CLUAP1: variants seen among roughly 807,000 people sequenced by gnomAD.
CLUAP1 encodes the protein clusterin-associated protein 1.
CLUAP1 carries 50 observed loss-of-function variants against 55.0 expected under a neutral mutation model. The ratio of observed to expected loss-of-function variants is 0.91; its 90% CI spans 0.72 to 1.15. The LOEUF (loss-of-function observed/expected upper bound fraction) is 1.15, where lower values mean the gene tolerates loss of function less well. Among genes scored for constraint, CLUAP1 ranks in the 50% most tolerant of loss-of-function variants. The probability of loss-of-function intolerance (pLI) is 0.00; values close to 1 mark genes in which losing one functional copy is unlikely to be tolerated. For missense variants in CLUAP1, 530 were observed against 507.6 expected (o/e 1.04, Z -0.42); for synonymous variants, 195 against 175.4 (o/e 1.11, Z -0.88).
At position 3,501,026 on chromosome 16, in the gene CLUAP1, G is replaced by T; in HGVS notation, c.-42G>T. The T allele has an allele frequency of 1.3e-6, 2 of 1,590,656 alleles. No individual in the cohort carries two copies. The highest frequency in any genetic ancestry group is 1.7e-6 in the Non-Finnish European group (2 of 1,171,018). ...AGCGCTGGGCCTGTGATCGCTGAGG[G>T]GCGAGCAGTTGCGACCCTGGGCTCC... On this transcript the variant is annotated 5_prime_UTR_variant, in exon 1 of 12. Coordinates refer to ENST00000576634, the MANE Select transcript of CLUAP1 (RefSeq NM_015041.3).
At chr16:3,513,913 T>C (rs1445082122) in intron 5 of CLUAP1, among the ~76,000 whole-genome samples, 4 of 152,224 alleles carry the variant, frequency 2.6e-5, no homozygotes, top group Admixed American at 2.6e-4. Context: ...TGTTCTGGCA[T>C]ACCCTGGGAG....
Position 3,501,650 on chromosome 16 carries a change from C to T in CLUAP1, c.22+561C>T, listed in dbSNP as rs527964453. Among the ~76,000 whole-genome samples the T allele has an allele frequency of 5.5e-4, 84 of 152,144 alleles. 3 individuals carry two copies. In the South Asian group the frequency reaches 0.017, roughly 31 times the overall value. ...TTACAAAATTAGCCGGGGGTGGTGG[C>T]GGGCGCCTGTAATCCCAGCTACTCG... On this transcript the variant is annotated intron_variant, in intron 1 of 11. Coordinates refer to ENST00000576634, the MANE Select transcript of CLUAP1 (RefSeq NM_015041.3).
At chr16:3,529,839 A>G (rs1210751997) in intron 9 of CLUAP1, among the ~76,000 whole-genome samples, 1 of 55,652 alleles carries the variant, frequency 1.8e-5, no homozygotes, top group East Asian at 5.7e-4. Flanking sequence ...TATATAATAT[A>G]TTATATAATA....
chr16:3,508,509 G>A (rs767022621), intron 4 of CLUAP1, 41 bp downstream of exon 4: 2 of 1,488,332 alleles, frequency 1.3e-6, no homozygotes, highest in Non-Finnish European at 1.8e-6. Flanking sequence ...ATGGAGCGTT[G>A]ATTTCTTGAG....
chr16:3,508,203 G>A, intron 3 of CLUAP1, 86 bp from the exon 4 acceptor site: 2 of 1,165,262 alleles, frequency 1.7e-6, no homozygotes, highest in Non-Finnish European at 2.4e-6. Context: ...GTCAGCAGAG[G>A]CATTTTCAAC....
At chr16:3,497,241 C>T (rs1038290377), upstream of CLUAP1, among the ~76,000 whole-genome samples, 1 of 151,698 alleles carries the variant, frequency 6.6e-6, no homozygotes, top group Non-Finnish European at 1.5e-5. Context: ...CCTAGTAGAG[C>T]TTTTTCAGAG....
At chr16:3,523,024 A>C in intron 7 of CLUAP1, 134 bp from the exon 8 acceptor site, 1 of 582,842 alleles carries the variant, frequency 1.7e-6, no homozygotes, top group Non-Finnish European at 2.7e-6. Context: ...ATTTTTAAGC[A>C]TTACAAGAAT....
chr16:3,500,063 A>T (rs190539028), upstream of CLUAP1, among the ~76,000 whole-genome samples: 653 of 152,210 alleles, frequency 4.3e-3, 8 homozygotes, highest in African/African-American at 0.014. Flanking sequence ...ACCTTACAAA[A>T]CCCGGCTGCT....
chr16:3,530,252 A>G (rs1555495803), intron 9 of CLUAP1, among the ~76,000 whole-genome samples: 1 of 152,086 alleles, frequency 6.6e-6, no homozygotes, highest in Non-Finnish European at 1.5e-5. Flanking sequence ...TTAAGTTTCC[A>G]ACACAGGCTT....
rs891742593 is a variant in CLUAP1, at chr16:3,538,814, G to A, written c.*2543G>A. The A allele has an allele frequency of 2.6e-5, 4 of 152,296 alleles. No individual in the cohort carries two copies. The highest frequency in any genetic ancestry group is 4.8e-5 in the African/African-American group (2 of 41,552). 9.4% of individuals were successfully genotyped at this position (152,296 alleles called of 1,614,324 possible). A position where few individuals can be genotyped will look rare whatever the true frequency, so the allele number is the denominator to read the frequency against. The stretch of plus-strand genomic sequence containing the variant: ...GTATTTCAGTCAATAGTGACCCATT[G>A]TAGAATGGATGCAGGATTCACATGT... On this transcript the variant is annotated 3_prime_UTR_variant, in exon 12 of 12. Coordinates refer to ENST00000576634, the MANE Select transcript of CLUAP1 (RefSeq NM_015041.3).
Position 3,515,484 on chromosome 16 carries a change from G to C in CLUAP1, c.496-24G>C, listed in dbSNP as rs202019418. 1.6e-5 allele frequency: 24 copies of C among 1,527,994 alleles called. 1 individual carries two copies. In the East Asian group the frequency reaches 5.5e-4, roughly 35 times the overall value. 94.7% of individuals were successfully genotyped at this position (1,527,994 alleles called of 1,614,324 possible). ...GAGAACTCCTTTTCTGAAAATATAC[G>C]TAAATGATTTTACTGTTTCCTAGGA... On this transcript the variant is annotated intron_variant, in intron 5 of 11. Transcript: ENST00000576634.
intron 9 of CLUAP1, among the ~76,000 whole-genome samples, chr16:3,528,063 T>C (rs1027687863): frequency 1.3e-5 from 2 of 152,210 alleles, no homozygotes; most frequent in African/African-American, 4.8e-5. Context: ...GTCTCTCATC[T>C]CTGCACATGG....
At chr16:3,529,669 ATTATATATT>A (rs2038051158) in intron 9 of CLUAP1, among the ~76,000 whole-genome samples, 1 of 18,388 alleles carries the variant, frequency 5.4e-5, no homozygotes, top group East Asian at 6.8e-3. Context: ...ATTATATATT[ATTATATATT>A]ATATATTATT....
chr16:3,532,430 T>C (rs76820203), intron 10 of CLUAP1, among the ~76,000 whole-genome samples: 127 of 108,010 alleles, frequency 1.2e-3, no homozygotes, highest in African/African-American at 6.3e-3. Flanking sequence ...TTTTTTTTTT[T>C]TGGAGACAGA....
In CLUAP1 at chr16:3,536,376, T is replaced by G; in HGVS notation, c.*105T>G. 8.1e-7 allele frequency: 1 copy of G among 1,230,268 alleles called. No individual in the cohort carries two copies. Among genetic ancestry groups the G allele is most frequent in the Non-Finnish European group, 1.1e-6 (1 of 874,806 alleles). 76.2% of individuals were successfully genotyped at this position (1,230,268 alleles called of 1,614,324 possible). ...CCCCTGTTTTGTTTACTAAGCTGGC[T>G]GGACTCATGATCACTGAAGCAATAC... On this transcript the variant is annotated 3_prime_UTR_variant, in exon 12 of 12. Transcript: ENST00000576634.
intron 5 of CLUAP1, among the ~76,000 whole-genome samples, chr16:3,513,160 G>A (rs2037665074): frequency 6.6e-6 from 1 of 152,202 alleles, no homozygotes; most frequent in Admixed American, 6.5e-5. Context: ...GCTGCCCAGT[G>A]CAAACACCTG....
intron 8 of CLUAP1, among the ~76,000 whole-genome samples, 165 bp downstream of exon 8, chr16:3,523,464 T>C (rs1036660427): frequency 1.3e-5 from 2 of 152,208 alleles, no homozygotes; most frequent in Non-Finnish European, 2.9e-5. Flanking sequence ...TTGCTGGCAG[T>C]GTACACTGGA....
rs1303055551 is a variant in CLUAP1, at chr16:3,537,438, G to C, written c.*1167G>C. 1 of 152,046 alleles carries C rather than the reference G, an allele frequency of 6.6e-6. No individual in the cohort carries two copies. Among genetic ancestry groups the C allele is most frequent in the Non-Finnish European group, 1.5e-5 (1 of 68,044 alleles). 9.4% of individuals were successfully genotyped at this position (152,046 alleles called of 1,614,324 possible). A position where few individuals can be genotyped will look rare whatever the true frequency, so the allele number is the denominator to read the frequency against. ...GGGTCCAGCTACTCAGGAGGCCAAG[G>C]TGGGAGGATCACTTGAGCCCAGGAG... On this transcript the variant is annotated 3_prime_UTR_variant, in exon 12 of 12. Transcript: ENST00000576634.
chr16:3,505,921 C>G (rs959106998), intron 2 of CLUAP1, among the ~76,000 whole-genome samples: 8 of 152,112 alleles, frequency 5.3e-5, no homozygotes, highest in Non-Finnish European at 1.2e-4. Context: ...CTGTACAGGT[C>G]GGAGGCTGCA....
Sources: allele counts gnomAD v4.1 joint callset (sites outside exome capture counted in the v4.1 genomes callset), GRCh38; gene constraint gnomAD v4.1.1; transcripts MANE v1.5; gene names NCBI Gene and HGNC (gene_info 2026-07-23, HGNC 2026-07-21).